Variants in ZNF205 observed in about 807,000 individuals in gnomAD.
ZNF205 encodes zinc finger protein 205.
Under a neutral mutation model 53.6 loss-of-function variants are expected in ZNF205, and 32 were observed. The ratio of observed to expected loss-of-function variants is 0.60; its 90% CI spans 0.45 to 0.80. The LOEUF is 0.80. ZNF205 is among the 30% of genes least tolerant of loss of function. ZNF205 has a pLI of 0.00. For synonymous variants in ZNF205, 382 were observed against 334.3 expected (o/e 1.14, Z -1.56); for missense variants, 836 against 782.4 (o/e 1.07, Z -0.82).
At position 3,115,532 on chromosome 16, in the gene ZNF205, G is replaced by A. The variant is rs749464724; in HGVS notation, c.235G>A (p.Gly79Ser). Reference sequence around the variant, plus strand: ...CTGGGGCTGGGCACCCCTAAGTCACGGCTCTAAGGAGAAAGCTCTCTTCCT... The same window carrying A: ...CTGGGGCTGGGCACCCCTAAGTCACAGCTCTAAGGAGAAAGCTCTCTTCCT... ...GAWGWAPLSH[G>S]SKEKALFLPG... The change falls in exon 3 of 7, where the codon GGC (glycine) becomes AGC (serine). Residue 79 changes from glycine to serine, a missense_variant. Transcript: ENST00000219091. The A allele has an allele frequency of 1.0e-5, 16 of 1,596,228 alleles. No homozygotes were observed. Among genetic ancestry groups the A allele is most frequent in the African/African-American group, 2.7e-5 (2 of 73,872 alleles).
chr16:3,115,619 A>C lies in ZNF205; in HGVS notation c.271+51A>C, dbSNP rs375326766. On this transcript the variant is annotated intron_variant, in intron 3 of 6. Transcript: ENST00000219091. ...CTTTCCCAGGGAGGCAGCTGTGGGG[A>C]GGTGGAGGTTTGGCCCAGGTCCAGG... 1,827 of 1,525,492 alleles carry C rather than the reference A, an allele frequency of 1.2e-3. 3 individuals are homozygous for C. The highest frequency in any genetic ancestry group is 2.0e-3 in the Admixed American group (86 of 42,262). 94.5% of individuals were successfully genotyped at this position (1,525,492 alleles called of 1,614,324 possible). A position where few individuals can be genotyped will look rare whatever the true frequency, so the allele number is the denominator to read the frequency against.
At chr16:3,113,281 C>A in intron 1 of ZNF205, 136 bp from the exon 2 acceptor site, 1 of 725,544 alleles carries the variant, frequency 1.4e-6, no homozygotes, top group Non-Finnish European at 2.3e-6. Flanking sequence ...CGCTGGTACT[C>A]GTGGGGATTT....
Position 3,119,639 on chromosome 16 carries a change from C to G in ZNF205, c.979C>G (p.Arg327Gly). 6.2e-7 allele frequency: 1 copy of G among 1,611,966 alleles called. No homozygotes were observed. Among genetic ancestry groups the G allele is most frequent in the Non-Finnish European group, 8.5e-7 (1 of 1,179,368 alleles). The change falls in exon 7 of 7, where the codon CGG becomes GGG. Residue 327 changes from arginine (R) to glycine (G), a missense_variant. Coordinates refer to ENST00000219091, the MANE Select transcript of ZNF205 (RefSeq NM_001042428.2). ...CTGGCACTCGCACCTGGTGACGCAC[C>G]GGCGCACGCACACGGGCGAGAAGCC... ...FSWHSHLVTHRRTHTGEKPYA... is the reference protein window; with the variant it reads ...FSWHSHLVTHGRTHTGEKPYA...
chr16:3,114,907 T>C (rs1175436866), intron 2 of ZNF205: 1 of 153,006 alleles, frequency 6.5e-6, no homozygotes, highest in Non-Finnish European at 1.5e-5. Flanking sequence ...ACATAAGTCA[T>C]TGTTAGATTT....
rs1957283847 is a variant in ZNF205, at chr16:3,112,744, C to T, written c.-15+62C>T. 1.9e-5 allele frequency: 5 copies of T among 258,612 alleles called. No individual in the cohort carries two copies. The South Asian group carries it at 2.1e-4, about 11-fold the overall frequency. 16.0% of individuals were successfully genotyped at this position (258,612 alleles called of 1,614,324 possible). A position where few individuals can be genotyped will look rare whatever the true frequency, so the allele number is the denominator to read the frequency against. Reference sequence around the variant, plus strand: ...GAGACCGGCGCAGATGATCAGCTTGCAGGAGGGGATGGGGTCAAAGGTGGA... The same window carrying T: ...GAGACCGGCGCAGATGATCAGCTTGTAGGAGGGGATGGGGTCAAAGGTGGA... On this transcript the variant is annotated intron_variant, in intron 1 of 6. Coordinates refer to ENST00000219091, the MANE Select transcript of ZNF205 (RefSeq NM_001042428.2).
At chr16:3,117,349 T>G (rs1957358368) in intron 5 of ZNF205, among the ~76,000 whole-genome samples, 1 of 151,590 alleles carries the variant, frequency 6.6e-6, no homozygotes, top group Non-Finnish European at 1.5e-5. Context: ...CGCAGACCCT[T>G]GGGTGTCCCA....
intron 2 of ZNF205, chr16:3,114,925 A>T (rs1469123240): frequency 6.5e-6 from 1 of 153,654 alleles, no homozygotes; most frequent in Non-Finnish European, 1.4e-5. Flanking sequence ...TTTTAGGCTC[A>T]CTCTAAATTC....
intron 1 of ZNF205, 21 bp from the exon 2 acceptor site, chr16:3,113,396 C>G: frequency 1.2e-6 from 2 of 1,610,490 alleles, no homozygotes; most frequent in Non-Finnish European, 1.7e-6. Flanking sequence ...GAGGGAGAAA[C>G]AACTCAGCTG....
rs1957402695 is a variant in ZNF205 at position 3,119,978 on chromosome 16, C to T, written c.1318C>T (p.Arg440Cys). 1.2e-6 allele frequency: 2 copies of T among 1,613,498 alleles called. No individual in the cohort carries two copies. The highest frequency in any genetic ancestry group is 1.7e-6 in the Non-Finnish European group (2 of 1,179,936). The change falls in exon 7 of 7, where the codon CGC becomes TGC. Residue 440 changes from arginine to cysteine, a missense_variant. Arg to Cys is a radical substitution (Grantham distance 180). Coordinates refer to ENST00000219091, the MANE Select transcript of ZNF205 (RefSeq NM_001042428.2). Reference protein sequence around the residue: ...TQSSALVTHQRTHTGVKPYPC... With the variant: ...TQSSALVTHQCTHTGVKPYPC... Reference sequence around the variant, plus strand: ...GAGCTCGGCGCTAGTCACCCACCAGCGCACCCACACTGGGGTCAAGCCCTA... The same window carrying T: ...GAGCTCGGCGCTAGTCACCCACCAGTGCACCCACACTGGGGTCAAGCCCTA...
At chr16:3,115,158 G>A (rs982450129) in intron 2 of ZNF205, 197 bp from the exon 3 acceptor site, 4 of 409,028 alleles carry the variant, frequency 9.8e-6, no homozygotes, top group African/African-American at 2.0e-5. Context: ...CACGCCCACC[G>A]GCACTGTGGA....
rs976394262 is a variant in ZNF205, at chr16:3,120,202, C to T, written c.1542C>T (p.Ser514=). Residue 514 remains serine (S), a synonymous_variant, in exon 7 of 7, where the codon AGC becomes AGT. Coordinates refer to ENST00000219091, the MANE Select transcript of ZNF205 (RefSeq NM_001042428.2). ...YACPLCGKSF[S]RRSNLHRHEK... is the part of the protein sequence containing the mutation. ...GCCCGTTGTGCGGCAAGAGCTTCAGCCGGCGCTCCAACCTGCACCGGCACG... is the reference window on the plus strand; with the variant it reads ...GCCCGTTGTGCGGCAAGAGCTTCAGTCGGCGCTCCAACCTGCACCGGCACG... The T allele has an allele frequency of 1.7e-5, 28 of 1,612,016 alleles. No individual in the cohort carries two copies. The highest frequency in any genetic ancestry group is 2.3e-5 in the Non-Finnish European group (27 of 1,179,696).
At position 3,116,566 on chromosome 16, in the gene ZNF205, G is replaced by T. The variant is rs544365707; in HGVS notation, c.484+19G>T. On this transcript the variant is annotated intron_variant, in intron 5 of 6. Transcript: ENST00000219091. ...TCACTGGGTAAGCACTCGCCTGGAG[G>T]GGGGACTGGGGTGTTAGGGAGAGGT... The T allele has an allele frequency of 1.9e-5, 30 of 1,610,790 alleles. No individual in the cohort carries two copies. Among genetic ancestry groups the T allele is most frequent in the East Asian group, 8.9e-5 (4 of 44,778 alleles).
Position 3,120,294 on chromosome 16 carries a change from C to A in ZNF205, c.1634C>A (p.Ala545Asp). Residue 545 changes from alanine (A) to aspartate (D), a missense_variant, in exon 7 of 7, where the codon GCT (alanine) becomes GAT (aspartate). By Grantham distance (126) the Ala-to-Asp change is moderately radical. Coordinates refer to ENST00000219091, the MANE Select transcript of ZNF205 (RefSeq NM_001042428.2). ...ATGCTGGGGGCGGCGGCGGCGGGGG[C>A]TCTGGCCACACCCCCACCCGCTCCC... ...MLMLGAAAAGALATPPPAPT is the reference protein window; with the variant it reads ...MLMLGAAAAGDLATPPPAPT 6.3e-7 allele frequency: 1 copy of A among 1,584,354 alleles called. No individual in the cohort carries two copies. The highest frequency in any genetic ancestry group is 8.5e-7 in the Non-Finnish European group (1 of 1,172,816).
At chr16:3,115,116 G>A (rs1957322281) in intron 2 of ZNF205, 4 of 359,280 alleles carry the variant, frequency 1.1e-5, no homozygotes, top group Non-Finnish European at 2.0e-5. Context: ...GTGTGAGGCT[G>A]GAGCTGAGAA....
At chr16:3,115,791 A>G in intron 3 of ZNF205, 38 bp from the exon 4 acceptor site, 1 of 1,577,194 alleles carries the variant, frequency 6.3e-7, no homozygotes, top group Non-Finnish European at 8.7e-7. Context: ...GTCCAGCAGG[A>G]TGAGCTGATC....
chr16:3,113,323 G>T, intron 1 of ZNF205, 94 bp from the exon 2 acceptor site: 1 of 1,237,836 alleles, frequency 8.1e-7, no homozygotes, highest in Non-Finnish European at 1.2e-6. Context: ...CAGGAAGCGA[G>T]GGCTGGTTTC....
At chr16:3,112,718 C>T (rs1486974927) in intron 1 of ZNF205, 36 bp downstream of exon 1, 5 of 270,178 alleles carry the variant, frequency 1.9e-5, no homozygotes, top group Admixed American at 4.4e-5. Flanking sequence ...ATCTGGATCC[C>T]GAGACCGGCG....
At chr16:3,118,730 G>A (rs1310450599) in intron 5 of ZNF205, among the ~76,000 whole-genome samples, 175 bp from the exon 6 acceptor site, 1 of 152,214 alleles carries the variant, frequency 6.6e-6, no homozygotes, top group East Asian at 1.9e-4. Context: ...AGCTCTGGCA[G>A]CCGCCAGGCA....
In ZNF205 at chr16:3,115,796, C is replaced by A. The variant is rs144168437; in HGVS notation, c.272-33C>A. ...GTAGCAGCAGGTCCAGCAGGATGAG[C>A]TGATCACCGTGAGGACCTCTCTCCT... On this transcript the variant is annotated intron_variant, in intron 3 of 6. Coordinates refer to ENST00000219091, the MANE Select transcript of ZNF205 (RefSeq NM_001042428.2). 2.4e-3 allele frequency: 3,727 copies of A among 1,582,424 alleles called. 29 individuals are homozygous for A. The highest frequency in any genetic ancestry group is 0.015 in the Admixed American group (844 of 57,768).
Sources: gnomAD v4.1 joint callset for allele counts (sites outside exome capture counted in the v4.1 genomes callset) on GRCh38, gnomAD v4.1.1 for gene constraint, MANE v1.5 for transcripts, NCBI Gene and HGNC (gene_info 2026-07-23, HGNC 2026-07-21) for gene names.